Variants in MAD1L1 observed in about 807,000 individuals in gnomAD.
The protein encoded by MAD1L1 is mitotic spindle assembly checkpoint protein MAD1.
Under a neutral mutation model 96.9 loss-of-function variants are expected in MAD1L1, and 95 were observed. The ratio of observed to expected loss-of-function variants is 0.98; its 90% CI spans 0.83 to 1.16. The LOEUF is 1.16. MAD1L1 is among the 50% of genes most tolerant of loss of function. MAD1L1 has a pLI of 0.00. For missense variants in MAD1L1, 1,007 were observed against 954.4 expected (o/e 1.06, Z -0.73); for synonymous variants, 473 against 396.6 (o/e 1.19, Z -2.29).
At position 2,079,758 on chromosome 7, in the gene MAD1L1, C is replaced by A. The variant is rs116631005; in HGVS notation, c.1074-10420G>T. 1.1e-4 allele frequency: 52 copies of A among 470,758 alleles called. No homozygotes were observed. The Admixed American group carries it at 1.1e-3, about 10-fold the overall frequency. The allele number at this position is 470,758 out of a possible 1,614,324, so 29.2% of individuals were successfully genotyped here. On this transcript the variant is annotated intron_variant, in intron 11 of 18. Transcript: ENST00000265854. The stretch of plus-strand genomic sequence containing the variant: ...GGTGGGGAGCCCCGGCAAGCACGGC[C>A]GCAGGGAGACCATAAATTCACTTCC...
chr7:2,022,117 A>G (rs1270105221), intron 12 of MAD1L1, among the ~76,000 whole-genome samples: 2 of 152,040 alleles, frequency 1.3e-5, no homozygotes, highest in Non-Finnish European at 2.9e-5. Flanking sequence ...CGCTGAGCCT[A>G]GCTTACTTTC....
chr7:1,864,247 C>G (rs1270792375), intron 18 of MAD1L1, among the ~76,000 whole-genome samples: 2 of 152,200 alleles, frequency 1.3e-5, no homozygotes, highest in East Asian at 1.9e-4. Context: ...GCAGAGACAC[C>G]TGAACACCTG....
At position 1,845,502 on chromosome 7, in the gene MAD1L1, A is replaced by AGG. The variant is rs1296644155; in HGVS notation, c.1999-29275_1999-29274insCC. ...ACGCGTCGGGCTCTGATTCATGGGG[A>AGG]AGAGCTCTGTTTAGGAGATGGACGT... On this transcript the variant is annotated intron_variant, in intron 18 of 18. Transcript: ENST00000265854. 6.0e-3 allele frequency: 417 copies of AGG among 69,344 alleles called. 9 individuals carry two copies. Among genetic ancestry groups the AGG allele is most frequent in the South Asian group, 8.9e-3 (18 of 2,012 alleles). 4.3% of individuals were successfully genotyped at this position (69,344 alleles called of 1,614,324 possible). A position where few individuals can be genotyped will look rare whatever the true frequency, so the allele number is the denominator to read the frequency against.
At chr7:1,911,303 A>C (rs1788002058) in intron 17 of MAD1L1, among the ~76,000 whole-genome samples, 1 of 150,738 alleles carries the variant, frequency 6.6e-6, no homozygotes, top group Middle Eastern at 3.2e-3. Flanking sequence ...ACTTCCTGTC[A>C]CCCTCCTCTC....
At chr7:2,020,188 C>A (rs1399440833) in intron 12 of MAD1L1, among the ~76,000 whole-genome samples, 1 of 152,188 alleles carries the variant, frequency 6.6e-6, no homozygotes, top group Non-Finnish European at 1.5e-5. Flanking sequence ...GGTCAGCGCC[C>A]AGCCCGGGGA....
At position 1,879,908 on chromosome 7, in the gene MAD1L1, T is replaced by C. The variant is rs189359663; in HGVS notation, c.1998+18292A>G. On this transcript the variant is annotated intron_variant, in intron 18 of 18. Coordinates refer to ENST00000265854, the MANE Select transcript of MAD1L1 (RefSeq NM_001013836.2). ...ACCACACCTGGCTAATTTTTCGTAT[T>C]TTTAGCAGAGACGGGATTTCACTCT... is the stretch of plus-strand genomic sequence containing the variant. Among the ~76,000 whole-genome samples the C allele has an allele frequency of 2.1e-3, 315 of 152,264 alleles. 1 individual carries two copies. The highest frequency in any genetic ancestry group is 3.8e-3 in the Non-Finnish European group (256 of 68,006).
At chr7:1,820,029 C>T (rs1182411585) in intron 18 of MAD1L1, among the ~76,000 whole-genome samples, 2 of 152,098 alleles carry the variant, frequency 1.3e-5, no homozygotes, top group Non-Finnish European at 1.5e-5. Context: ...GATGCTACTT[C>T]GAGATACTGG....
intron 11 of MAD1L1, among the ~76,000 whole-genome samples, chr7:2,079,496 G>C (rs749373353): frequency 6.6e-6 from 1 of 152,182 alleles, no homozygotes; most frequent in African/African-American, 2.4e-5. Context: ...ACTTCTCCCC[G>C]ACTCTGCCTC....
chr7:1,927,429 C>T (rs982020134), intron 17 of MAD1L1, among the ~76,000 whole-genome samples: 1 of 152,172 alleles, frequency 6.6e-6, no homozygotes, highest in Non-Finnish European at 1.5e-5. Flanking sequence ...GATTTCGAGA[C>T]TTACTACGAA....
chr7:2,182,443 AAAAG>A (rs1000842198), intron 10 of MAD1L1, among the ~76,000 whole-genome samples: 15 of 152,240 alleles, frequency 9.9e-5, no homozygotes, highest in Admixed American at 7.2e-4. Flanking sequence ...CAATTCCTAA[AAAAG>A]AAAGAGCTAC....
chr7:2,197,339 C>G (rs1159628766), intron 10 of MAD1L1, among the ~76,000 whole-genome samples: 1 of 152,190 alleles, frequency 6.6e-6, no homozygotes, highest in Non-Finnish European at 1.5e-5. Context: ...CAGCCCCTGA[C>G]TTATAGCTGT....
At chr7:1,977,107 C>T (rs757664005) in intron 15 of MAD1L1, among the ~76,000 whole-genome samples, 8 of 152,376 alleles carry the variant, frequency 5.3e-5, no homozygotes, top group Admixed American at 2.6e-4. Context: ...CCACGTCACA[C>T]GCCTGCACTC....
chr7:1,936,657 T>C (rs776915750), intron 17 of MAD1L1, 30 bp downstream of exon 17: 81 of 1,540,574 alleles, frequency 5.3e-5, no homozygotes, highest in Middle Eastern at 2.0e-4. Context: ...AGGTCGAGGA[T>C]GGCAGGGACC....
chr7:1,835,060 T>G (rs1417314196), intron 18 of MAD1L1, among the ~76,000 whole-genome samples: 1 of 150,764 alleles, frequency 6.6e-6, no homozygotes, highest in African/African-American at 2.5e-5. Flanking sequence ...AGGAAAACCA[T>G]ATGATCAACT....
intron 10 of MAD1L1, among the ~76,000 whole-genome samples, chr7:2,199,134 C>G (rs1792149682): frequency 6.6e-6 from 1 of 152,232 alleles, no homozygotes; most frequent in Non-Finnish European, 1.5e-5. Flanking sequence ...CGGAGATGCC[C>G]CACAGCAGAT....
At chr7:1,986,348 AC>A in intron 14 of MAD1L1, among the ~76,000 whole-genome samples, 1 of 151,602 alleles carries the variant, frequency 6.6e-6, no homozygotes, top group East Asian at 1.9e-4. Flanking sequence ...CCAGCTTGGA[AC>A]CACACGCCAG....
At chr7:1,903,170 G>A (rs1209197988) in intron 17 of MAD1L1, among the ~76,000 whole-genome samples, 1 of 151,370 alleles carries the variant, frequency 6.6e-6, no homozygotes, top group Non-Finnish European at 1.5e-5. Flanking sequence ...GTTCCAGGCA[G>A]CAAGCACACG....
intron 18 of MAD1L1, among the ~76,000 whole-genome samples, chr7:1,833,771 T>C (rs1782816393): frequency 6.6e-6 from 1 of 152,150 alleles, no homozygotes; most frequent in African/African-American, 2.4e-5. Context: ...TGAAACCCCC[T>C]CTCTACTAAA....
intron 12 of MAD1L1, among the ~76,000 whole-genome samples, chr7:2,029,585 T>A (rs1783129061): frequency 1.3e-5 from 2 of 152,218 alleles, no homozygotes; most frequent in Admixed American, 1.3e-4. Flanking sequence ...TTTTTTTTTT[T>A]AAACGGAACT....
Sources: gnomAD v4.1 joint callset for allele counts (sites outside exome capture counted in the v4.1 genomes callset) on GRCh38, gnomAD v4.1.1 for gene constraint, MANE v1.5 for transcripts, NCBI Gene and HGNC (gene_info 2026-07-23, HGNC 2026-07-21) for gene names.